PDSS1: variants seen among roughly 807,000 people sequenced by gnomAD.
The protein encoded by PDSS1 is all trans-polyprenyl-diphosphate synthase PDSS1.
Under a neutral mutation model 57.5 loss-of-function variants are expected in PDSS1, and 43 were observed. That is an observed-to-expected ratio of 0.75 (90% CI 0.59 to 0.96). The LOEUF (loss-of-function observed/expected upper bound fraction) is 0.96, where lower values mean the gene tolerates loss of function less well. Among genes scored for constraint, PDSS1 ranks in the 50% least tolerant of loss-of-function variants. PDSS1 has a pLI of 0.00. For synonymous variants in PDSS1, 175 were observed against 191.3 expected, an observed-to-expected ratio of 0.91 and a Z score of 0.70; for missense variants, 438 against 527.8, an observed-to-expected ratio of 0.83 and a Z score of 1.67.
At chr10:26,715,503 T>C (rs1049473656) in intron 5 of PDSS1, 1 of 152,176 alleles carries the variant, frequency 6.6e-6, no homozygotes, top group African/African-American at 2.4e-5. Flanking sequence ...TTCAAGCGAT[T>C]CTTCTGCCTC....
chr10:26,720,982 G>A (rs1010103728), intron 6 of PDSS1, among the ~76,000 whole-genome samples: 6 of 152,084 alleles, frequency 3.9e-5, no homozygotes, highest in African/African-American at 9.7e-5. Context: ...GGCATCCATC[G>A]CCATCACCAC....
intron 8 of PDSS1, among the ~76,000 whole-genome samples, chr10:26,731,610 C>G (rs1365240834): frequency 6.6e-6 from 1 of 152,158 alleles, no homozygotes; most frequent in Non-Finnish European, 1.5e-5. Flanking sequence ...TGGGTCTGTA[C>G]CAGTATGTGT....
chr10:26,701,708 C>T lies in PDSS1; in HGVS notation c.130-454C>T, dbSNP rs1588666447. Among the ~76,000 whole-genome samples the T allele has an allele frequency of 7.9e-5, 12 of 152,332 alleles. 4 individuals carry two copies. Among genetic ancestry groups the T allele is most frequent in the Admixed American group, 7.8e-4 (12 of 15,300 alleles). On this transcript the variant is annotated intron_variant, in intron 1 of 11. Transcript: ENST00000376215. ...CCCTCATGGAGAACCTCTGTTAGGACAGTGCAGAAAGGAAATGTGGGGTTG... is the reference window on the plus strand; with the variant it reads ...CCCTCATGGAGAACCTCTGTTAGGATAGTGCAGAAAGGAAATGTGGGGTTG...
intron 10 of PDSS1, among the ~76,000 whole-genome samples, chr10:26,739,375 T>C (rs1007772356): frequency 2.6e-5 from 4 of 152,264 alleles, no homozygotes; most frequent in Non-Finnish European, 5.9e-5. Context: ...GCTGTGTTTC[T>C]CTTTTCTTTT....
chr10:26,730,924 T>TA (rs1424135083), intron 8 of PDSS1, among the ~76,000 whole-genome samples: 3 of 152,166 alleles, frequency 2.0e-5, no homozygotes, highest in Non-Finnish European at 4.4e-5. Context: ...TCCTCATTTT[T>TA]AAAACCACTG....
At chr10:26,704,077 G>A (rs1275644738) in intron 2 of PDSS1, among the ~76,000 whole-genome samples, 2 of 13,832 alleles carry the variant, frequency 1.4e-4, no homozygotes, top group African/African-American at 2.1e-4. Flanking sequence ...ACGAGACTCC[G>A]TCTCACAAAA....
intron 4 of PDSS1, among the ~76,000 whole-genome samples, chr10:26,709,373 A>G (rs1835345389): frequency 6.6e-6 from 1 of 152,178 alleles, no homozygotes; most frequent in African/African-American, 2.4e-5. Flanking sequence ...CAGCCTGGCC[A>G]ACGTGGTGAA....
At chr10:26,718,582 G>A (rs566958119) in intron 5 of PDSS1, among the ~76,000 whole-genome samples, 15 of 152,202 alleles carry the variant, frequency 9.9e-5, no homozygotes, top group Admixed American at 7.9e-4. Flanking sequence ...TCAACATGGT[G>A]AAACCCCATC....
chr10:26,740,809 T>A, intron 10 of PDSS1: 1 of 388,962 alleles, frequency 2.6e-6, no homozygotes, highest in Non-Finnish European at 5.2e-6. Flanking sequence ...CACTCGGCTG[T>A]GGCAGCTGGT....
chr10:26,735,022 G>T (rs1836343036), intron 8 of PDSS1, among the ~76,000 whole-genome samples: 1 of 152,214 alleles, frequency 6.6e-6, no homozygotes. Flanking sequence ...GTTGGAGAAG[G>T]AGAATTTTCT....
At position 26,746,778 on chromosome 10, in the gene PDSS1, T is replaced by C; in HGVS notation, c.*305T>C. The C allele has an allele frequency of 2.4e-6, 1 of 411,364 alleles. No homozygotes were observed. Among genetic ancestry groups the C allele is most frequent in the Non-Finnish European group, 4.5e-6 (1 of 220,548 alleles). 25.5% of individuals were successfully genotyped at this position (411,364 alleles called of 1,614,324 possible). ...CATGTAAGGCCATTACACAAATAAA[T>C]AACCAATGTTAAAATTCAAATGGTT... On this transcript the variant is annotated 3_prime_UTR_variant, in exon 12 of 12. Coordinates refer to ENST00000376215, the MANE Select transcript of PDSS1 (RefSeq NM_014317.5).
rs757206490 is a variant in PDSS1 at position 26,742,593 on chromosome 10, T to A, written c.1107+16T>A. 140 of 1,532,114 alleles carry A rather than the reference T, an allele frequency of 9.1e-5. 1 individual carries two copies. The highest frequency in any genetic ancestry group is 1.4e-4 in the African/African-American group (10 of 73,204). 94.9% of individuals were successfully genotyped at this position (1,532,114 alleles called of 1,614,324 possible). ...TGTACTACAGGTAAGACTGTTTTTTTAAAAAAAAGGCAGCAGCAGGAACAA... is the reference window on the plus strand; with the variant it reads ...TGTACTACAGGTAAGACTGTTTTTTAAAAAAAAAGGCAGCAGCAGGAACAA... On this transcript the variant is annotated intron_variant, in intron 11 of 11. Transcript: ENST00000376215.
intron 2 of PDSS1, among the ~76,000 whole-genome samples, chr10:26,703,495 C>G (rs7073083): frequency 6.6e-6 from 1 of 152,092 alleles, no homozygotes; most frequent in Non-Finnish European, 1.5e-5. Flanking sequence ...AAGTCTCTTA[C>G]TGAAGAAGTT....
chr10:26,708,633 C>A (rs780143436), intron 4 of PDSS1, among the ~76,000 whole-genome samples: 22 of 152,096 alleles, frequency 1.4e-4, no homozygotes, highest in Non-Finnish European at 2.8e-4. Flanking sequence ...CTCTATGAAC[C>A]CTCAAAATGT....
intron 6 of PDSS1, among the ~76,000 whole-genome samples, chr10:26,722,937 C>T (rs1240902585): frequency 6.7e-6 from 1 of 148,450 alleles, no homozygotes; most frequent in African/African-American, 2.5e-5. Context: ...GGCAGTGTCA[C>T]ATAGTACAAA....
intron 8 of PDSS1, chr10:26,734,670 A>AG (rs1365455275): frequency 2.2e-6 from 1 of 456,168 alleles, no homozygotes; most frequent in Non-Finnish European, 4.4e-6. Context: ...CTGAAGCAGG[A>AG]GGCTTGAGAT....
chr10:26,717,022 A>G (rs994167149), intron 5 of PDSS1, among the ~76,000 whole-genome samples: 1 of 152,174 alleles, frequency 6.6e-6, no homozygotes, highest in Non-Finnish European at 1.5e-5. Flanking sequence ...CCCTCATGTT[A>G]TGGATAAGCA....
At chr10:26,744,477 G>A (rs1224196222) in intron 11 of PDSS1, among the ~76,000 whole-genome samples, 4 of 152,056 alleles carry the variant, frequency 2.6e-5, no homozygotes, top group South Asian at 4.2e-4. Flanking sequence ...TGCAACCTCC[G>A]CCTCCCGGGT....
intron 8 of PDSS1, chr10:26,734,822 G>T: frequency 2.2e-6 from 1 of 452,482 alleles, no homozygotes; most frequent in Admixed American, 2.4e-5. Context: ...TACATTGATA[G>T]AGATGATTAA....
Sources: allele counts gnomAD v4.1 joint callset (sites outside exome capture counted in the v4.1 genomes callset), GRCh38; gene constraint gnomAD v4.1.1; transcripts MANE v1.5; gene names NCBI Gene and HGNC (gene_info 2026-07-23, HGNC 2026-07-21).